ERBB4: variants seen among roughly 807,000 people sequenced by gnomAD.
The protein encoded by ERBB4 is erb-b2 receptor tyrosine kinase 4.
Under a neutral mutation model 158.0 loss-of-function variants are expected in ERBB4, and 42 were observed. That is an observed-to-expected ratio of 0.27 (90% CI 0.21 to 0.34). The LOEUF is 0.34. Ranked by LOEUF, ERBB4 falls within the 10% of genes least tolerant of loss-of-function variation. The pLI is 1.00. For synonymous variants in ERBB4, 583 were observed against 558.7 expected (o/e 1.04, Z -0.61); for missense variants, 1,333 against 1,624.1 (o/e 0.82, Z 3.08).
At chr2:211,513,377 C>CAAAAAAAAAAAAAAAAAAAAAAAAAA (rs1167274491) in intron 20 of ERBB4, among the ~76,000 whole-genome samples, 2 of 55,746 alleles carry the variant, frequency 3.6e-5, no homozygotes, top group African/African-American at 9.9e-5. Context: ...AAAAAAAAAA[C>CAAAAAAAAAAAAAAAAAAAAAAAAAA]AAAAAAAAAA....
chr2:211,975,679 C>T (rs997776215), intron 2 of ERBB4, among the ~76,000 whole-genome samples: 1 of 152,100 alleles, frequency 6.6e-6, no homozygotes, highest in African/African-American at 2.4e-5. Context: ...GAATGTCTTA[C>T]CTGAGAATTT....
At chr2:212,439,620 A>G (rs2092210927) in intron 1 of ERBB4, among the ~76,000 whole-genome samples, 1 of 152,180 alleles carries the variant, frequency 6.6e-6, no homozygotes, top group Non-Finnish European at 1.5e-5. Context: ...TATGAAACTT[A>G]CAAAATATTA....
intron 1 of ERBB4, among the ~76,000 whole-genome samples, chr2:212,164,365 T>C (rs2081287628): frequency 6.6e-6 from 1 of 152,070 alleles, no homozygotes; most frequent in African/African-American, 2.4e-5. Context: ...AATCCAAGTA[T>C]ATTACTAAAC....
chr2:212,135,658 T>C (rs565493613), intron 1 of ERBB4, among the ~76,000 whole-genome samples: 1 of 152,208 alleles, frequency 6.6e-6, no homozygotes. Flanking sequence ...AGAAATACAA[T>C]TGTCAGAAAT....
At chr2:211,623,840 T>A in intron 18 of ERBB4, 82 bp downstream of exon 18, 1 of 1,383,904 alleles carries the variant, frequency 7.2e-7, no homozygotes. Context: ...TTAGGTTGTC[T>A]AAAGTAATAA....
chr2:212,385,827 A>C (rs1437451386), intron 1 of ERBB4, among the ~76,000 whole-genome samples: 13 of 151,956 alleles, frequency 8.6e-5, no homozygotes, highest in Non-Finnish European at 2.9e-5. Context: ...AACAGAATTT[A>C]TATATTGAAC....
In ERBB4 at chr2:212,245,854, CCT is replaced by C. The variant is rs1251484476; in HGVS notation, c.83-120953_83-120952del. 1.3e-5 allele frequency among the ~76,000 whole-genome samples: 2 copies of C among 152,064 alleles called. 1 individual carries two copies. Among genetic ancestry groups the C allele is most frequent in the Non-Finnish European group, 2.9e-5 (2 of 67,996 alleles). ...TTTCTTGTGCTCTCTGAGATACTCC[CCT>C]TTCCTTCTCACTATTTACAAAAGGG... On this transcript the variant is annotated intron_variant, in intron 1 of 27. Coordinates refer to ENST00000342788, the MANE Select transcript of ERBB4 (RefSeq NM_005235.3).
At position 211,926,919 on chromosome 2, in the gene ERBB4, G is replaced by C. The variant is rs2125089739; in HGVS notation, c.421+20511C>G. ...CTCCTCAAAAGCTGTCCTATCCTCG[G>C]TTATACTTAGTCAATGTGATATTAA... On this transcript the variant is annotated intron_variant, in intron 3 of 27. Coordinates refer to ENST00000342788, the MANE Select transcript of ERBB4 (RefSeq NM_005235.3). 1.3e-5 allele frequency among the ~76,000 whole-genome samples: 2 copies of C among 151,884 alleles called. 1 individual carries two copies. The highest frequency in any genetic ancestry group is 4.2e-4 in the South Asian group (2 of 4,814).
chr2:211,415,059 T>G (rs1331113170), intron 25 of ERBB4, among the ~76,000 whole-genome samples: 1 of 151,118 alleles, frequency 6.6e-6, no homozygotes, highest in Admixed American at 6.6e-5. Context: ...GGGACAGGAT[T>G]TTGATTTATT....
At chr2:212,476,772 T>A (rs978889073) in intron 1 of ERBB4, among the ~76,000 whole-genome samples, 1 of 152,134 alleles carries the variant, frequency 6.6e-6, no homozygotes, top group Non-Finnish European at 1.5e-5. Context: ...ATAAAAATAT[T>A]TTCCTATATC....
At chr2:211,814,730 T>C (rs368992482) in intron 3 of ERBB4, among the ~76,000 whole-genome samples, 3 of 152,308 alleles carry the variant, frequency 2.0e-5, no homozygotes, top group African/African-American at 7.2e-5. Context: ...TGGTAAATCA[T>C]AGGCTTTGAG....
At chr2:212,229,186 A>G (rs2083580378) in intron 1 of ERBB4, among the ~76,000 whole-genome samples, 1 of 152,204 alleles carries the variant, frequency 6.6e-6, no homozygotes, top group Non-Finnish European at 1.5e-5. Flanking sequence ...AACCTTAACA[A>G]TAATAGAGAA....
intron 19 of ERBB4, among the ~76,000 whole-genome samples, chr2:211,578,590 T>C (rs555717420): frequency 3.9e-5 from 6 of 152,284 alleles, no homozygotes; most frequent in African/African-American, 1.4e-4. Context: ...AGTATAGTAC[T>C]GTTACAAAAA....
chr2:211,795,345 G>T (rs2076361401), intron 3 of ERBB4, among the ~76,000 whole-genome samples: 1 of 151,640 alleles, frequency 6.6e-6, no homozygotes, highest in African/African-American at 2.4e-5. Flanking sequence ...TCTGTGATGG[G>T]TTTATTGTAC....
intron 16 of ERBB4, among the ~76,000 whole-genome samples, chr2:211,638,088 A>C (rs1031455120): frequency 6.6e-6 from 1 of 152,086 alleles, no homozygotes. Context: ...CCTTGGGTGT[A>C]AAGTTTATAA....
chr2:211,555,587 T>A (rs2067216242), intron 20 of ERBB4, among the ~76,000 whole-genome samples: 1 of 152,166 alleles, frequency 6.6e-6, no homozygotes, highest in Admixed American at 6.5e-5. Flanking sequence ...ACAAAATACT[T>A]CCTTATAAGG....
At chr2:212,167,421 T>C (rs1158233238) in intron 1 of ERBB4, among the ~76,000 whole-genome samples, 2 of 152,102 alleles carry the variant, frequency 1.3e-5, no homozygotes, top group Admixed American at 6.6e-5. Flanking sequence ...ATGCCAATTA[T>C]TAAAAAGTCC....
chr2:211,669,373 G>C (rs186006959), intron 14 of ERBB4, among the ~76,000 whole-genome samples: 7 of 151,924 alleles, frequency 4.6e-5, no homozygotes, highest in Admixed American at 2.0e-4. Context: ...AAATTTAACA[G>C]TGTTTTCACT....
chr2:212,286,594 CTTTTTT>C (rs71054190), intron 1 of ERBB4, among the ~76,000 whole-genome samples: 2,647 of 55,400 alleles, frequency 0.048, 114 homozygotes, highest in African/African-American at 0.15. Context: ...TAAGTGCTGA[CTTTTTT>C]TTTTTTTTTT....
Sources: gnomAD v4.1 joint callset for allele counts (sites outside exome capture counted in the v4.1 genomes callset) on GRCh38, gnomAD v4.1.1 for gene constraint, MANE v1.5 for transcripts, NCBI Gene and HGNC (gene_info 2026-07-23, HGNC 2026-07-21) for gene names.